Variants in MTNR1A observed in about 807,000 individuals in gnomAD.
The protein encoded by MTNR1A is melatonin receptor type 1A.
MTNR1A carries 7 observed loss-of-function variants against 5.5 expected under a neutral mutation model. The ratio of observed to expected loss-of-function variants is 1.28; its 90% CI spans 0.73 to 2.40. MTNR1A has a LOEUF of 2.40. Ranked by LOEUF, MTNR1A falls within the 30% of genes most tolerant of loss-of-function variation. The pLI is 0.00. For synonymous variants in MTNR1A, 196 were observed against 202.7 expected (o/e 0.97, Z 0.28); for missense variants, 441 against 464.4 (o/e 0.95, Z 0.46).
In MTNR1A at chr4:186,534,497, G is replaced by A. The variant is rs768206848; in HGVS notation, c.245C>T (p.Pro82Leu). ...ADLVVAIYPY[P>L]LVLMSIFNNG... ...GTTAAATATCGACATCAGCACCAACGGGTACGGATAAATGGCCACCACCAG... is the reference window on the plus strand; with the variant it reads ...GTTAAATATCGACATCAGCACCAACAGGTACGGATAAATGGCCACCACCAG... The change falls in exon 2 of 2, where the codon CCG becomes CTG. Residue 82 changes from proline to leucine, a missense_variant. Coordinates refer to ENST00000307161, the MANE Select transcript of MTNR1A (RefSeq NM_005958.4). 1.1e-4 allele frequency: 174 copies of A among 1,613,886 alleles called. No individual in the cohort carries two copies. The highest frequency in any genetic ancestry group is 1.4e-4 in the Non-Finnish European group (165 of 1,180,018).
intron 1 of MTNR1A, among the ~76,000 whole-genome samples, chr4:186,542,473 C>T (rs1737047418): frequency 6.6e-6 from 1 of 152,158 alleles, no homozygotes; most frequent in Admixed American, 6.5e-5. Context: ...ATTCACTGCC[C>T]TTACCAGGTT....
intron 1 of MTNR1A, among the ~76,000 whole-genome samples, chr4:186,547,568 C>A (rs1277652254): frequency 6.6e-6 from 1 of 152,244 alleles, no homozygotes; most frequent in Non-Finnish European, 1.5e-5. Context: ...CCTCAGGGCT[C>A]CGTTGCCTCC....
intron 1 of MTNR1A, among the ~76,000 whole-genome samples, chr4:186,546,134 G>A (rs1474573462): frequency 1.3e-5 from 2 of 152,174 alleles, no homozygotes; most frequent in Non-Finnish European, 2.9e-5. Flanking sequence ...CCGTGGTGAG[G>A]ATTTGAGGGC....
chr4:186,534,202 G>C lies in MTNR1A; in HGVS notation c.540C>G (p.Ala180=). 6.2e-7 allele frequency: 1 copy of C among 1,613,922 alleles called. No homozygotes were observed. The highest frequency in any genetic ancestry group is 1.7e-5 in the Admixed American group (1 of 60,020). The change falls in exon 2 of 2, where the codon GCC becomes GCG. Residue 180 remains alanine, a synonymous_variant. Coordinates refer to ENST00000307161, the MANE Select transcript of MTNR1A (RefSeq NM_005958.4). ...YDPRIYSCTF[A]QSVSSAYTIA... ...TGGTGTAGGCGGAGCTGACGGACTG[G>C]GCGAAGGTGCACGAGTAGATCCTCG...
Position 186,555,088 on chromosome 4 carries a change from A to AGGAAAAAGAACCAAGTGCTTG in MTNR1A, c.184+73_184+93dup. ...AAATAACTCCAAGTCCGCAGTGTTT[A>AGGAAAAAGAACCAAGTGCTTG]GGAAAAAGAACCAAGTGCTTGGGGA... On this transcript the variant is annotated intron_variant, in intron 1 of 1. Transcript: ENST00000307161. The surrounding 1 kb of genome is among the most constrained non-coding windows in gnomAD (Gnocchi z 4.1). 4 of 1,323,726 alleles carry AGGAAAAAGAACCAAGTGCTTG rather than the reference A, an allele frequency of 3.0e-6. No individual in the cohort carries two copies. Among genetic ancestry groups the AGGAAAAAGAACCAAGTGCTTG allele is most frequent in the Middle Eastern group, 2.5e-4 (1 of 3,962 alleles). The allele number at this position is 1,323,726 out of a possible 1,614,324, so 82.0% of individuals were successfully genotyped here.
rs150558240 is a variant in MTNR1A, at chr4:186,553,819, C to CT, written c.184+1362dup. ...GAGCCATCGCGCCCAGCCGTGAACA[C>CT]TTTTTAAAGGTTCTGCAGGATTCAA... is the stretch of plus-strand genomic sequence containing the variant. On this transcript the variant is annotated intron_variant, in intron 1 of 1. Transcript: ENST00000307161. Among the ~76,000 whole-genome samples the CT allele has an allele frequency of 4.3e-3, 651 of 152,314 alleles. 4 individuals are homozygous for CT. Among genetic ancestry groups the CT allele is most frequent in the African/African-American group, 0.014 (599 of 41,580 alleles).
intron 1 of MTNR1A, among the ~76,000 whole-genome samples, chr4:186,536,404 A>G (rs937028306): frequency 6.6e-6 from 1 of 152,132 alleles, no homozygotes; most frequent in African/African-American, 2.4e-5. Context: ...CAGCAGCACC[A>G]GAGCACGCAC....
chr4:186,546,238 C>T (rs1167909247), intron 1 of MTNR1A, among the ~76,000 whole-genome samples: 1 of 152,076 alleles, frequency 6.6e-6, no homozygotes, highest in East Asian at 1.9e-4. Flanking sequence ...CGGAAGGTTC[C>T]TCCCTGGCAC....
intron 1 of MTNR1A, among the ~76,000 whole-genome samples, chr4:186,553,469 C>T (rs140958377): frequency 2.6e-5 from 4 of 152,188 alleles, no homozygotes; most frequent in African/African-American, 9.7e-5. Flanking sequence ...TCAGAAAACA[C>T]AAGAAGTAAA....
chr4:186,544,355 A>G (rs1560896277), intron 1 of MTNR1A, among the ~76,000 whole-genome samples: 1 of 152,178 alleles, frequency 6.6e-6, no homozygotes, highest in Non-Finnish European at 1.5e-5. Flanking sequence ...TTTATGCTAG[A>G]TATGCCGTTA....
chr4:186,548,841 A>AC (rs1737210349), intron 1 of MTNR1A, among the ~76,000 whole-genome samples: 1 of 62,492 alleles, frequency 1.6e-5, no homozygotes, highest in East Asian at 6.0e-4. Flanking sequence ...ATATATATAT[A>AC]TATATACACT....
intron 1 of MTNR1A, among the ~76,000 whole-genome samples, chr4:186,548,848 C>T (rs10434308): frequency 0.64 from 39,279 of 61,106 alleles, 10,703 homozygotes; most frequent in Middle Eastern, 0.68. Context: ...TATATATATA[C>T]ACTATATATG....
At position 186,551,779 on chromosome 4, in the gene MTNR1A, C is replaced by T. The variant is rs149166590; in HGVS notation, c.184+3403G>A. Among the ~76,000 whole-genome samples the T allele has an allele frequency of 2.3e-3, 354 of 152,214 alleles. 1 individual carries two copies. The highest frequency in any genetic ancestry group is 8.1e-3 in the African/African-American group (336 of 41,534). ...ACATTCACTCCGTACTCTATGCATC[C>T]TCTCTGAGTGGTAATGCAGAATGAA... On this transcript the variant is annotated intron_variant, in intron 1 of 1. Transcript: ENST00000307161.
chr4:186,547,620 A>C (rs573700254), intron 1 of MTNR1A, among the ~76,000 whole-genome samples: 2 of 151,908 alleles, frequency 1.3e-5, no homozygotes, highest in Non-Finnish European at 2.9e-5. Flanking sequence ...CTCTCTCTCT[A>C]TCCCACTCTG....
At chr4:186,554,518 A>T (rs1439118676) in intron 1 of MTNR1A, among the ~76,000 whole-genome samples, 1 of 152,230 alleles carries the variant, frequency 6.6e-6, no homozygotes, top group Non-Finnish European at 1.5e-5. Flanking sequence ...CATTGCTCGG[A>T]GGAAAAAGCA....
rs4861721 is a variant in MTNR1A, at chr4:186,547,168, C to G, written c.184+8014G>C. Among the ~76,000 whole-genome samples the G allele has an allele frequency of 7.4e-4, 22 of 29,850 alleles. 5 individuals carry two copies. Among genetic ancestry groups the G allele is most frequent in the Admixed American group, 1.1e-3 (3 of 2,710 alleles). 19.6% of individuals were successfully genotyped at this position (29,850 alleles called of 152,430 possible). A position where few individuals can be genotyped will look rare whatever the true frequency, so the allele number is the denominator to read the frequency against. ...ACACCGTCCTCCTCACACCCTGTTC[C>G]TGGGACACACCATCCACACCACACC... On this transcript the variant is annotated intron_variant, in intron 1 of 1. Coordinates refer to ENST00000307161, the MANE Select transcript of MTNR1A (RefSeq NM_005958.4).
chr4:186,534,024 T>G lies in MTNR1A; in HGVS notation c.718A>C (p.Met240Leu), dbSNP rs1018062210. 9.3e-6 allele frequency: 15 copies of G among 1,613,870 alleles called. No homozygotes were observed. The highest frequency in any genetic ancestry group is 1.2e-5 in the Non-Finnish European group (14 of 1,180,010). ...KPQDFRNFVT[M>L]FVVFVLFAIC... The stretch of plus-strand genomic sequence containing the variant: ...GCAAAAAGGACAAAAACCACAAACA[T>G]GGTGACAAAATTCCTGAAGTCCTGT... The change falls in exon 2 of 2, where the codon ATG (methionine) becomes CTG (leucine). Residue 240 changes from methionine to leucine, a missense_variant. Transcript: ENST00000307161.
rs1316167252 is a variant in MTNR1A at position 186,555,523 on chromosome 4, G to A, written c.-158C>T. 2.2e-5 allele frequency: 10 copies of A among 454,780 alleles called. No homozygotes were observed. Among genetic ancestry groups the A allele is most frequent in the East Asian group, 5.3e-5 (1 of 18,904 alleles). The allele number at this position is 454,780 out of a possible 1,614,324, so 28.2% of individuals were successfully genotyped here. A position where few individuals can be genotyped will look rare whatever the true frequency, so the allele number is the denominator to read the frequency against. ...ACGCCCACGCCGCGCCGGACGCCACGGCCAGGTGACACCTGGTGTCCGCCG... is the reference window on the plus strand; with the variant it reads ...ACGCCCACGCCGCGCCGGACGCCACAGCCAGGTGACACCTGGTGTCCGCCG... On this transcript the variant is annotated 5_prime_UTR_variant, in exon 1 of 2. Transcript: ENST00000307161. The surrounding 1 kb of genome is among the most constrained non-coding windows in gnomAD (Gnocchi z 4.1).
intron 1 of MTNR1A, among the ~76,000 whole-genome samples, chr4:186,547,559 C>T (rs1737180836): frequency 6.6e-6 from 1 of 152,234 alleles, no homozygotes; most frequent in Non-Finnish European, 1.5e-5. Context: ...ATCTGAGCAC[C>T]TCAGGGCTCC....
Sources: gnomAD v4.1 joint callset for allele counts (sites outside exome capture counted in the v4.1 genomes callset) on GRCh38, gnomAD v4.1.1 for gene constraint, Gnocchi (gnomAD v3.1) non-coding constraint, MANE v1.5 for transcripts, NCBI Gene and HGNC (gene_info 2026-07-23, HGNC 2026-07-21) for gene names.